The following KIF24 variants were observed in gnomAD, a reference collection of about 807,000 sequenced individuals.
KIF24 encodes kinesin-like protein KIF24.
KIF24 carries 81 observed loss-of-function variants against 118.9 expected under a neutral mutation model. The ratio of observed to expected loss-of-function variants is 0.68; its 90% CI spans 0.57 to 0.82. The LOEUF (loss-of-function observed/expected upper bound fraction) is 0.82. KIF24 is among the 40% of genes least tolerant of loss of function. The pLI is 0.00. For missense variants in KIF24, 1,560 were observed against 1,661.6 expected, an observed-to-expected ratio of 0.94 and a Z score of 1.06; for synonymous variants, 599 against 610.0, an observed-to-expected ratio of 0.98 and a Z score of 0.27.
chr9:34,311,647 T>C (rs1027773173), intron 1 of KIF24, among the ~76,000 whole-genome samples: 10 of 141,714 alleles, frequency 7.1e-5, no homozygotes, highest in African/African-American at 2.5e-4. Flanking sequence ...TATGTGTATA[T>C]ATACGTGTAT....
At chr9:34,289,096 T>C (rs926548839) in intron 5 of KIF24, among the ~76,000 whole-genome samples, 3 of 152,170 alleles carry the variant, frequency 2.0e-5, no homozygotes, top group Admixed American at 1.3e-4. Flanking sequence ...ATTTCGCAGT[T>C]GTTTGGTCAG....
intron 1 of KIF24, among the ~76,000 whole-genome samples, chr9:34,323,520 C>T (rs1837584127): frequency 6.6e-6 from 1 of 152,210 alleles, no homozygotes; most frequent in Non-Finnish European, 1.5e-5. Context: ...GGTTTAAATT[C>T]AGTGCTTTAT....
intron 4 of KIF24, among the ~76,000 whole-genome samples, chr9:34,295,384 A>C (rs1320137838): frequency 2.2e-4 from 33 of 152,066 alleles, no homozygotes; most frequent in Admixed American, 2.2e-3. Flanking sequence ...ATTAAAAAAA[A>C]AAATTTTATA....
At chr9:34,291,563 C>T (rs1247527607) in intron 4 of KIF24, among the ~76,000 whole-genome samples, 1 of 152,178 alleles carries the variant, frequency 6.6e-6, no homozygotes, top group African/African-American at 2.4e-5. Flanking sequence ...TGTGTGCGTA[C>T]ACACCCTTTA....
chr9:34,265,674 AT>A (rs1307180146), intron 8 of KIF24, among the ~76,000 whole-genome samples: 2 of 152,262 alleles, frequency 1.3e-5, no homozygotes, highest in African/African-American at 4.8e-5. Context: ...GAAAACTGCG[AT>A]AAAAATCTTG....
intron 8 of KIF24, among the ~76,000 whole-genome samples, chr9:34,267,838 C>A (rs1835350758): frequency 6.6e-6 from 1 of 152,072 alleles, no homozygotes; most frequent in Non-Finnish European, 1.5e-5. Context: ...AGCTTAGCCA[C>A]CTGACAGGAA....
chr9:34,297,175 C>A, intron 3 of KIF24, 61 bp from the exon 4 acceptor site: 1 of 990,886 alleles, frequency 1.0e-6, no homozygotes, highest in South Asian at 1.5e-5. Flanking sequence ...AATCACTATT[C>A]TAGTTAACAG....
At chr9:34,287,845 A>G (rs1836106329) in intron 5 of KIF24, among the ~76,000 whole-genome samples, 1 of 151,252 alleles carries the variant, frequency 6.6e-6, no homozygotes, top group Admixed American at 6.6e-5. Context: ...GTAGTACGCT[A>G]TGATTGCGCC....
intron 7 of KIF24, 30 bp downstream of exon 7, chr9:34,271,778 AC>A: frequency 6.2e-7 from 1 of 1,609,558 alleles, no homozygotes. Context: ...GGAAAGGCAG[AC>A]AATGTAACTC....
upstream of KIF24, among the ~76,000 whole-genome samples, chr9:34,330,744 G>A (rs775510574): frequency 3.6e-4 from 54 of 152,000 alleles, no homozygotes; most frequent in Non-Finnish European, 5.9e-5. Context: ...GGCGGATCAC[G>A]AGGTCAGGAG....
intron 1 of KIF24, among the ~76,000 whole-genome samples, chr9:34,317,312 C>T (rs1019057148): frequency 2.0e-5 from 3 of 151,846 alleles, no homozygotes; most frequent in South Asian, 4.2e-4. Context: ...ATCACTTGAC[C>T]GTGGGAGGCG....
intron 6 of KIF24, among the ~76,000 whole-genome samples, chr9:34,275,854 T>G (rs1468190838): frequency 6.6e-6 from 1 of 151,988 alleles, no homozygotes; most frequent in African/African-American, 2.4e-5. Flanking sequence ...AAAAATTATT[T>G]GATAGAATCC....
chr9:34,303,065 T>A (rs1206960516), intron 3 of KIF24, among the ~76,000 whole-genome samples: 1 of 151,958 alleles, frequency 6.6e-6, no homozygotes, highest in Non-Finnish European at 1.5e-5. Context: ...TGAGCCACCG[T>A]GCCCAGCCTA....
rs939228444 is a variant in KIF24, at chr9:34,257,786, C to G, written c.1821G>C (p.Lys607Asn). ...TVAAPGSTRGKVHPLTSHPPN... is the reference protein window; with the variant it reads ...TVAAPGSTRGNVHPLTSHPPN... ...GTGGGTGGCTGGTCAGAGGATGGACCTTCCCTCTCGTGGAACCAGGGGCTG... is the reference window on the plus strand; with the variant it reads ...GTGGGTGGCTGGTCAGAGGATGGACGTTCCCTCTCGTGGAACCAGGGGCTG... Residue 607 changes from lysine (K) to asparagine (N), a missense_variant, in exon 11 of 13, where the codon AAG becomes AAC. By Grantham distance (94) the Lys-to-Asn change is moderately conservative. Around this residue, in one of 3 missense-constraint regions of KIF24, gnomAD observed 964 missense variants for 988.0 expected, o/e 0.98. Transcript: ENST00000402558. 1.5e-5 allele frequency: 25 copies of G among 1,613,920 alleles called. No homozygotes were observed. Among genetic ancestry groups the G allele is most frequent in the Non-Finnish European group, 2.0e-5 (24 of 1,179,900 alleles).
intron 4 of KIF24, among the ~76,000 whole-genome samples, chr9:34,292,417 A>T (rs1208285178): frequency 6.6e-6 from 1 of 151,822 alleles, no homozygotes; most frequent in African/African-American, 2.4e-5. Context: ...CCCTTTAAAT[A>T]CTGAAGCCCT....
upstream of KIF24, chr9:34,329,648 T>A (rs545326668): frequency 6.6e-6 from 1 of 152,422 alleles, no homozygotes; most frequent in South Asian, 2.1e-4. Flanking sequence ...GTGGAGGAAA[T>A]GAGCCTTGGA....
intron 3 of KIF24, among the ~76,000 whole-genome samples, chr9:34,303,356 C>T (rs1836797192): frequency 1.3e-5 from 2 of 152,170 alleles, no homozygotes; most frequent in South Asian, 4.1e-4. Context: ...TATTATTTAG[C>T]AACTATCCTT....
chr9:34,321,436 C>G (rs1008343245), intron 1 of KIF24, among the ~76,000 whole-genome samples: 1 of 151,540 alleles, frequency 6.6e-6, no homozygotes, highest in Non-Finnish European at 1.5e-5. Flanking sequence ...CAGGCATTGA[C>G]AGTAAAATTA....
At chr9:34,276,663 G>A (rs941932975) in intron 6 of KIF24, among the ~76,000 whole-genome samples, 1 of 152,174 alleles carries the variant, frequency 6.6e-6, no homozygotes, top group Non-Finnish European at 1.5e-5. Context: ...TATGTGAGAT[G>A]TAAAATCAAA....
Sources: gnomAD v4.1 joint callset for allele counts (sites outside exome capture counted in the v4.1 genomes callset) on GRCh38, gnomAD v4.1.1 for gene constraint, gnomAD v4.1.1 regional missense constraint, MANE v1.5 for transcripts, NCBI Gene and HGNC (gene_info 2026-07-23, HGNC 2026-07-21) for gene names.